Variants in DISC1 observed in about 807,000 individuals in gnomAD.
The protein encoded by DISC1 is DISC1 scaffold protein.
In DISC1, 57 loss-of-function variants were observed where a neutral mutation model predicts 84.5. The ratio of observed to expected loss-of-function variants is 0.67; its 90% CI spans 0.55 to 0.84. The LOEUF (loss-of-function observed/expected upper bound fraction) is 0.84. DISC1 is among the 40% of genes least tolerant of loss of function. The probability of loss-of-function intolerance (pLI) is 0.00; values close to 1 mark genes in which losing one functional copy is unlikely to be tolerated. For missense variants in DISC1, 1,000 were observed against 1,057.8 expected, an observed-to-expected ratio of 0.95 and a Z score of 0.76; for synonymous variants, 411 against 415.2, an observed-to-expected ratio of 0.99 and a Z score of 0.12.
At chr1:231,699,806 T>C (rs2124862830) in intron 2 of DISC1, among the ~76,000 whole-genome samples, 1 of 152,326 alleles carries the variant, frequency 6.6e-6, no homozygotes, top group East Asian at 1.9e-4. Flanking sequence ...GGTCTTCATG[T>C]CTCTTCTTGA....
At chr1:231,634,336 T>C (rs867263020) in intron 1 of DISC1, among the ~76,000 whole-genome samples, 2 of 152,012 alleles carry the variant, frequency 1.3e-5, no homozygotes, top group African/African-American at 4.8e-5. Context: ...AATGGTCAAG[T>C]GAAAAAAAAA....
chr1:232,025,357 A>G (rs1669349205), intron 11 of DISC1, among the ~76,000 whole-genome samples: 1 of 152,156 alleles, frequency 6.6e-6, no homozygotes, highest in South Asian at 2.1e-4. Context: ...GCTTTGTGCG[A>G]GGTCCTATGA....
chr1:231,968,509 G>A (rs1002839636), intron 10 of DISC1, among the ~76,000 whole-genome samples: 2 of 150,464 alleles, frequency 1.3e-5, no homozygotes, highest in African/African-American at 2.4e-5. Context: ...GGAGAATGGC[G>A]TGAACCCGGG....
chr1:231,920,671 A>G (rs745329679), intron 9 of DISC1, among the ~76,000 whole-genome samples: 2 of 152,160 alleles, frequency 1.3e-5, no homozygotes, highest in Admixed American at 6.5e-5. Flanking sequence ...TCATCCATAG[A>G]TGGACATTTG....
At chr1:231,722,483 CA>C in intron 3 of DISC1, 1 of 1,612,634 alleles carries the variant, frequency 6.2e-7, no homozygotes, top group African/African-American at 1.3e-5. Flanking sequence ...TAGTCCCAGT[CA>C]AGGATGTTAT....
intron 10 of DISC1, chr1:231,959,586 A>G (rs1172851352): frequency 7.4e-6 from 6 of 808,234 alleles, no homozygotes; most frequent in Non-Finnish European, 7.5e-6. Flanking sequence ...TAGATAGGCT[A>G]TGCCTTAAGC....
intron 9 of DISC1, among the ~76,000 whole-genome samples, chr1:231,847,583 C>T (rs1018909741): frequency 8.5e-5 from 13 of 152,208 alleles, no homozygotes; most frequent in African/African-American, 1.9e-4. Flanking sequence ...GACCCTTCTC[C>T]GTCCTCGCTC....
chr1:231,902,775 C>T (rs1009535149), intron 9 of DISC1, among the ~76,000 whole-genome samples: 1 of 152,156 alleles, frequency 6.6e-6, no homozygotes, highest in Non-Finnish European at 1.5e-5. Flanking sequence ...GATATGTACA[C>T]GTTGAGTATC....
chr1:231,764,544 C>G (rs1021855498), intron 4 of DISC1, among the ~76,000 whole-genome samples: 6 of 152,124 alleles, frequency 3.9e-5, no homozygotes, highest in Non-Finnish European at 8.8e-5. Flanking sequence ...TTAGAAAAAA[C>G]AGCAATAAAT....
intron 3 of DISC1, among the ~76,000 whole-genome samples, chr1:231,716,761 T>A (rs1296609655): frequency 6.6e-6 from 1 of 152,216 alleles, no homozygotes; most frequent in African/African-American, 2.4e-5. Context: ...AATTCTCAGG[T>A]AACCATTTAA....
chr1:232,035,668 G>A (rs765313682), intron 12 of DISC1, among the ~76,000 whole-genome samples: 17 of 152,118 alleles, frequency 1.1e-4, no homozygotes, highest in Non-Finnish European at 2.2e-4. Context: ...TATTTAGGTG[G>A]TGTCAACATA....
In DISC1 at chr1:231,818,544, C is replaced by G. The variant is rs202216120; in HGVS notation, c.1981+27C>G. ...TAGGTAGTGCACAACTGTTCCCCGG[C>G]AAGATATTGATGATATTTGTTGTGT... On this transcript the variant is annotated intron_variant, in intron 9 of 12. Transcript: ENST00000439617. 6.1e-5 allele frequency: 99 copies of G among 1,613,486 alleles called. No homozygotes were observed. In the African/African-American group the frequency reaches 1.2e-3, roughly 20 times the overall value.
At chr1:231,901,555 G>A (rs1018907023) in intron 9 of DISC1, among the ~76,000 whole-genome samples, 1 of 152,128 alleles carries the variant, frequency 6.6e-6, no homozygotes, top group Non-Finnish European at 1.5e-5. Flanking sequence ...CGTACTGGGA[G>A]CATTCGGCCC....
intron 2 of DISC1, among the ~76,000 whole-genome samples, chr1:231,701,735 T>C (rs1423464889): frequency 6.6e-6 from 1 of 152,220 alleles, no homozygotes; most frequent in African/African-American, 2.4e-5. Flanking sequence ...TAACTTTTTA[T>C]GTGGATGTTA....
chr1:231,678,381 T>G (rs1459871151), intron 1 of DISC1, among the ~76,000 whole-genome samples: 1 of 152,146 alleles, frequency 6.6e-6, no homozygotes, highest in Non-Finnish European at 1.5e-5. Flanking sequence ...GCGGAGACAT[T>G]TGCTTCCACT....
intron 1 of DISC1, among the ~76,000 whole-genome samples, chr1:231,634,341 A>G (rs914324135): frequency 6.6e-6 from 1 of 152,240 alleles, no homozygotes; most frequent in African/African-American, 2.4e-5. Context: ...TCAAGTGAAA[A>G]AAAAAGTAAA....
chr1:231,910,951 A>G (rs1280772610), intron 9 of DISC1, among the ~76,000 whole-genome samples: 1 of 151,852 alleles, frequency 6.6e-6, no homozygotes, highest in Non-Finnish European at 1.5e-5. Context: ...GTCTCTTTTG[A>G]TCTTTGTTGG....
At chr1:231,921,606 A>T (rs2090017952) in intron 9 of DISC1, among the ~76,000 whole-genome samples, 1 of 152,106 alleles carries the variant, frequency 6.6e-6, no homozygotes, top group Admixed American at 6.5e-5. Context: ...ACAAGTTGGG[A>T]TCCTCACTGG....
chr1:231,764,920 G>A (rs1333721493), intron 4 of DISC1, among the ~76,000 whole-genome samples: 2 of 152,112 alleles, frequency 1.3e-5, no homozygotes, highest in East Asian at 3.8e-4. Flanking sequence ...GGCTGGGCTT[G>A]GTGGCTCATG....
Sources: gnomAD v4.1 joint callset for allele counts (sites outside exome capture counted in the v4.1 genomes callset) on GRCh38, gnomAD v4.1.1 for gene constraint, MANE v1.5 for transcripts, NCBI Gene and HGNC (gene_info 2026-07-23, HGNC 2026-07-21) for gene names.